KMT2C: variants seen among roughly 807,000 people sequenced by gnomAD.
KMT2C encodes histone-lysine N-methyltransferase 2C.
In KMT2C, 88 loss-of-function variants were observed where a neutral mutation model predicts 507.9. The ratio of observed to expected loss-of-function variants is 0.17; its 90% confidence interval spans 0.15 to 0.21. The LOEUF is 0.21. KMT2C is among the 10% of genes least tolerant of loss of function. The pLI is 1.00. For missense variants in KMT2C, 4,954 were observed against 5,957.8 expected (o/e 0.83, Z 5.55); for synonymous variants, 2,049 against 2,080.8 (o/e 0.98, Z 0.42).
At chr7:152,272,217 CTCAG>C (rs973383506) in intron 7 of KMT2C, among the ~76,000 whole-genome samples, 2 of 152,114 alleles carry the variant, frequency 1.3e-5, no homozygotes, top group Non-Finnish European at 2.9e-5. Context: ...ATTATCTCAC[CTCAG>C]TATTTATTAT....
At position 152,218,519 on chromosome 7, in the gene KMT2C, T is replaced by C. The variant is rs554222611; in HGVS notation, c.3712+2004A>G. Among the ~76,000 whole-genome samples the C allele has an allele frequency of 4.7e-3, 715 of 152,224 alleles. 9 individuals carry two copies. The highest frequency in any genetic ancestry group is 6.8e-3 in the Middle Eastern group (2 of 294). On this transcript the variant is annotated intron_variant, in intron 23 of 58. Transcript: ENST00000262189. The stretch of plus-strand genomic sequence containing the variant: ...CCACAATTACCTCTCACCTGGACCA[T>C]TGTTTCTCACTGATCTACCTGTCAT...
At position 152,413,846 on chromosome 7, in the gene KMT2C, C is replaced by A. The variant is rs545448421; in HGVS notation, c.161+21780G>T. On this transcript the variant is annotated intron_variant, in intron 1 of 58. Coordinates refer to ENST00000262189, the MANE Select transcript of KMT2C (RefSeq NM_170606.3). ...GTTGCAGTGAGCCGAGATCGCACCACTGCACTCCAGTCCGGGTGACAAGAG... is the reference window on the plus strand; with the variant it reads ...GTTGCAGTGAGCCGAGATCGCACCAATGCACTCCAGTCCGGGTGACAAGAG... Among the ~76,000 whole-genome samples, 11 of 141,840 alleles carry A rather than the reference C, an allele frequency of 7.8e-5. No individual in the cohort carries two copies. In the East Asian group the frequency reaches 2.2e-3, roughly 29 times the overall value. 93.1% of individuals were successfully genotyped at this position (141,840 alleles called of 152,430 possible).
intron 1 of KMT2C, among the ~76,000 whole-genome samples, chr7:152,372,570 T>C (rs2097300603): frequency 6.6e-6 from 1 of 152,104 alleles, no homozygotes; most frequent in Non-Finnish European, 1.5e-5. Context: ...CACACACATG[T>C]TAACCAAAGA....
rs1588350440 is a variant in KMT2C, at chr7:152,222,630, C to T, written c.3376G>A (p.Val1126Ile). The T allele has an allele frequency of 1.9e-6, 3 of 1,610,518 alleles. No homozygotes were observed. The highest frequency in any genetic ancestry group is 2.5e-6 in the Non-Finnish European group (3 of 1,178,588). The change falls in exon 21 of 59, where the codon GTA becomes ATA. Residue 1126 changes from valine to isoleucine, a missense_variant. This residue lies in a region of KMT2C where 52 missense variants were observed against 162.4 expected (regional missense o/e 0.32). Transcript: ENST00000262189. ...NLNTEEEVEN[V>I]ADIGFDCSMC... ...CTACAATCAAAACCAATGTCTGCTACATTTTCCACTTCTTCCTCAGTATTT... is the reference window on the plus strand; with the variant it reads ...CTACAATCAAAACCAATGTCTGCTATATTTTCCACTTCTTCCTCAGTATTT...
At chr7:152,261,840 A>G (rs1383261089) in intron 9 of KMT2C, among the ~76,000 whole-genome samples, 1 of 152,198 alleles carries the variant, frequency 6.6e-6, no homozygotes, top group Non-Finnish European at 1.5e-5. Flanking sequence ...CTTTCCAATG[A>G]TAAGTCATTC....
intron 46 of KMT2C, among the ~76,000 whole-genome samples, chr7:152,155,623 C>T (rs2091988175): frequency 6.6e-6 from 1 of 152,170 alleles, no homozygotes; most frequent in African/African-American, 2.4e-5. Flanking sequence ...AGATTTTCCA[C>T]TACCTTCATG....
At chr7:152,136,984 C>T in intron 58 of KMT2C, 60 bp from the exon 59 acceptor site, 1 of 1,210,236 alleles carries the variant, frequency 8.3e-7, no homozygotes, top group South Asian at 1.2e-5. Context: ...AGCGTTTCTG[C>T]CTCCATCTCC....
intron 20 of KMT2C, among the ~76,000 whole-genome samples, chr7:152,223,307 T>C (rs1186122317): frequency 6.6e-6 from 1 of 152,180 alleles, no homozygotes; most frequent in South Asian, 2.1e-4. Flanking sequence ...CAGAAGGTGC[T>C]ATCTAATATC....
intron 1 of KMT2C, among the ~76,000 whole-genome samples, chr7:152,414,870 G>C (rs2097718821): frequency 6.9e-6 from 1 of 144,904 alleles, no homozygotes; most frequent in African/African-American, 2.5e-5. Context: ...TTCTTTTTGA[G>C]ACAGGGTCTT....
At position 152,422,448 on chromosome 7, in the gene KMT2C, T is replaced by C. The variant is rs2097783178; in HGVS notation, c.161+13178A>G. Among the ~76,000 whole-genome samples, 7 of 151,744 alleles carry C rather than the reference T, an allele frequency of 4.6e-5. No individual in the cohort carries two copies. In the South Asian group the frequency reaches 1.2e-3, roughly 27 times the overall value. On this transcript the variant is annotated intron_variant, in intron 1 of 58. Transcript: ENST00000262189. ...CCAGCCACGCGACAGAGCAAGACTCTGTCTCAAAAAGAAAAAAAAAGAAAA... is the reference window on the plus strand; with the variant it reads ...CCAGCCACGCGACAGAGCAAGACTCCGTCTCAAAAAGAAAAAAAAAGAAAA...
At chr7:152,311,185 T>C (rs1563817502) in intron 5 of KMT2C, among the ~76,000 whole-genome samples, 3 of 152,326 alleles carry the variant, frequency 2.0e-5, no homozygotes, top group East Asian at 1.9e-4. Flanking sequence ...GTTGAGGTGA[T>C]ATACAAAGGA....
chr7:152,311,926 T>C lies in KMT2C; in HGVS notation c.611A>G (p.Asn204Ser), dbSNP rs2096675312. 1 of 1,603,368 alleles carries C rather than the reference T, an allele frequency of 6.2e-7. No individual in the cohort carries two copies. Among genetic ancestry groups the C allele is most frequent in the Non-Finnish European group, 8.5e-7 (1 of 1,172,830 alleles). Reference sequence around the variant, plus strand: ...GCTTACACTTACACAAGATACTATATTCTGCTGAGGAGATCGTTCTCTGAA... The same window carrying C: ...GCTTACACTTACACAAGATACTATACTCTGCTGAGGAGATCGTTCTCTGAA... ...GQRKERSPQQ[N>S]IVSCVSVSTQ... The change falls in exon 5 of 59, where the codon AAT becomes AGT. Residue 204 changes from asparagine to serine, a missense_variant. Asn to Ser is a conservative substitution (Grantham distance 46). This residue lies in a region of KMT2C where 233 missense variants were observed against 263.6 expected (regional missense o/e 0.88). Coordinates refer to ENST00000262189, the MANE Select transcript of KMT2C (RefSeq NM_170606.3).
Position 152,158,442 on chromosome 7 carries a change from G to A in KMT2C, c.11670+421C>T, listed in dbSNP as rs1049190460. 1.6e-4 allele frequency among the ~76,000 whole-genome samples: 24 copies of A among 151,748 alleles called. 2 individuals carry two copies. The highest frequency in any genetic ancestry group is 1.4e-3 in the Admixed American group (21 of 15,244). Reference sequence around the variant, plus strand: ...ATAGGATACGGTGCAATTCTGCTTGGAAAAAGTCTACTAGGTTCCTTGTCC... The same window carrying A: ...ATAGGATACGGTGCAATTCTGCTTGAAAAAAGTCTACTAGGTTCCTTGTCC... On this transcript the variant is annotated intron_variant, in intron 44 of 58. Coordinates refer to ENST00000262189, the MANE Select transcript of KMT2C (RefSeq NM_170606.3).
intron 23 of KMT2C, among the ~76,000 whole-genome samples, chr7:152,213,327 GAT>G (rs1200952646): frequency 6.6e-6 from 1 of 152,118 alleles, no homozygotes; most frequent in East Asian, 1.9e-4. Context: ...ATTACAAAGT[GAT>G]AGTTAACAAA....
At position 152,152,744 on chromosome 7, in the gene KMT2C, G is replaced by A. The variant is rs1344161415; in HGVS notation, c.12487C>T (p.Leu4163=). 2 of 1,614,078 alleles carry A rather than the reference G, an allele frequency of 1.2e-6. No individual in the cohort carries two copies. Among genetic ancestry groups the A allele is most frequent in the African/African-American group, 1.3e-5 (1 of 74,920 alleles). Reference sequence around the variant, plus strand: ...GGAAATGGTACATTAGGCTGCTTCAGCCGGTAAGAGCTCACTAATCTGGGA... The same window carrying A: ...GGAAATGGTACATTAGGCTGCTTCAACCGGTAAGAGCTCACTAATCTGGGA... The part of the protein sequence containing the change: ...NPPRLVSSYR[L]KQPNVPFPPT... Residue 4163 remains leucine (L), a synonymous_variant, in exon 49 of 59, where the codon CTG becomes TTG. Coordinates refer to ENST00000262189, the MANE Select transcript of KMT2C (RefSeq NM_170606.3).
At chr7:152,430,309 A>T (rs1262200709) in intron 1 of KMT2C, among the ~76,000 whole-genome samples, 5 of 152,172 alleles carry the variant, frequency 3.3e-5, no homozygotes, top group South Asian at 4.1e-4. Context: ...TAAAGAGAAA[A>T]GGAAGAGATT....
intron 6 of KMT2C, among the ~76,000 whole-genome samples, chr7:152,298,048 A>C (rs1183988100): frequency 6.6e-6 from 1 of 152,174 alleles, no homozygotes; most frequent in Non-Finnish European, 1.5e-5. Flanking sequence ...TAGAAACTGC[A>C]GAAGAAAAGA....
chr7:152,263,044 G>C lies in KMT2C; in HGVS notation c.1271C>G (p.Ser424Ter). 6.2e-7 allele frequency: 1 copy of C among 1,612,754 alleles called. No homozygotes were observed. The highest frequency in any genetic ancestry group is 8.5e-7 in the Non-Finnish European group (1 of 1,179,422). Reference protein sequence around the residue: ...HTFCLQPVMKSVPTNGWKCKN... With the variant: ...HTFCLQPVMK ...GCATTTCCAGCCATTGGTTGGTACT[G>C]ATTTCATAACTGGTTGAAGACAAAA... The change falls in exon 9 of 59, where the codon TCA (serine) becomes TGA (stop). Residue 424 changes from serine to a stop codon, truncating the protein, a stop_gained. Transcript: ENST00000262189. LOFTEE classifies it high-confidence loss of function.
At chr7:152,263,443 T>G (rs1588696259) in intron 8 of KMT2C, among the ~76,000 whole-genome samples, 1 of 152,220 alleles carries the variant, frequency 6.6e-6, no homozygotes, top group South Asian at 2.1e-4. Context: ...AGGAAGGTGC[T>G]ATAACTGATA....
Sources: gnomAD v4.1 joint callset for allele counts (sites outside exome capture counted in the v4.1 genomes callset) on GRCh38, gnomAD v4.1.1 for gene constraint, gnomAD v4.1.1 regional missense constraint, MANE v1.5 for transcripts, NCBI Gene and HGNC (gene_info 2026-07-23, HGNC 2026-07-21) for gene names.